Variants in RBFOX1 observed in about 807,000 individuals in gnomAD.
RBFOX1 encodes RNA binding fox-1 homolog 1, also known as RNA binding protein fox-1 homolog 1.
A neutral mutation model predicts 57.7 loss-of-function variants in RBFOX1; 8 were observed. The ratio of observed to expected loss-of-function variants is 0.14; its 90% CI spans 0.08 to 0.25. The LOEUF (loss-of-function observed/expected upper bound fraction) is 0.25. RBFOX1 is among the 10% of genes least tolerant of loss of function. The probability of loss-of-function intolerance (pLI) is 1.00; values close to 1 mark genes in which losing one functional copy is unlikely to be tolerated. For missense variants in RBFOX1, 611 were observed against 548.5 expected (o/e 1.11, Z -1.14); for synonymous variants, 326 against 222.4 (o/e 1.47, Z -4.15).
Position 5,276,253 on chromosome 16 carries a change from G to C in RBFOX1, c.219+36148G>C, listed in dbSNP as rs2063137751. Among the ~76,000 whole-genome samples the C allele has an allele frequency of 2.0e-5, 3 of 152,160 alleles. 1 individual carries two copies. In the South Asian group the frequency reaches 6.2e-4, roughly 32 times the overall value. On this transcript the variant is annotated intron_variant, in intron 1 of 2. Coordinates refer to the RBFOX1 transcript ENST00000585867. ...AACAGCAGAGTAAACAGATCACCCA[G>C]AGAGTGGGAGAAAATTTTCACAAAC...
rs149857833 is a variant in RBFOX1 at position 7,016,526 on chromosome 16, T to G, written c.-15-35531T>G. 4.0e-3 allele frequency among the ~76,000 whole-genome samples: 615 copies of G among 152,302 alleles called. 4 individuals are homozygous for G. Among genetic ancestry groups the G allele is most frequent in the South Asian group, 0.017 (81 of 4,824 alleles). ...ACAGCCACAGTGTATTCAGCACACC[T>G]ATGTGCCAAGCATTGCACACAGCGT... On this transcript the variant is annotated intron_variant, in intron 3 of 15. Coordinates refer to ENST00000550418, the MANE Select transcript of RBFOX1 (RefSeq NM_018723.4).
intron 5 of RBFOX1, among the ~76,000 whole-genome samples, chr16:7,556,230 G>A (rs998539533): frequency 1.7e-4 from 26 of 152,046 alleles, no homozygotes; most frequent in African/African-American, 2.7e-4. Context: ...GCAGCTCTTC[G>A]GTCAAATCTG....
intron 3 of RBFOX1, among the ~76,000 whole-genome samples, chr16:6,675,897 C>G (rs1192926992): frequency 6.6e-6 from 1 of 150,956 alleles, no homozygotes; most frequent in African/African-American, 2.4e-5. Flanking sequence ...CCCAGTGAAA[C>G]CATATCACAT....
intron 1 of RBFOX1, among the ~76,000 whole-genome samples, chr16:6,214,739 G>A (rs1400922903): frequency 8.0e-6 from 1 of 124,782 alleles, no homozygotes; most frequent in Non-Finnish European, 1.7e-5. Flanking sequence ...GAGAAGGAGA[G>A]GGAGAAGGAG....
chr16:7,388,506 G>A lies in RBFOX1; in HGVS notation c.28-129641G>A, dbSNP rs146449361. ...ATCATCTCTCTGCCCGGGATAACTT[G>A]TTTCATCCCCTTCCCTGAGCTTAAG... On this transcript the variant is annotated intron_variant, in intron 4 of 15. Coordinates refer to ENST00000550418, the MANE Select transcript of RBFOX1 (RefSeq NM_018723.4). Among the ~76,000 whole-genome samples the A allele has an allele frequency of 1.0e-3, 158 of 152,124 alleles. 4 individuals carry two copies. Among genetic ancestry groups the A allele is most frequent in the Admixed American group, 9.3e-3 (142 of 15,270 alleles).
chr16:6,096,939 C>T (rs1036177637), intron 1 of RBFOX1, among the ~76,000 whole-genome samples: 1 of 152,166 alleles, frequency 6.6e-6, no homozygotes, highest in Admixed American at 6.6e-5. Context: ...GCTCACCCCT[C>T]TGCACTCCTG....
chr16:5,520,754 G>C (rs2043980688), intron 2 of RBFOX1, among the ~76,000 whole-genome samples: 1 of 152,182 alleles, frequency 6.6e-6, no homozygotes, highest in African/African-American at 2.4e-5. Context: ...TCAGACTTAG[G>C]CTGTGTAATT....
chr16:7,474,866 A>G (rs1046906788), intron 4 of RBFOX1, among the ~76,000 whole-genome samples: 2 of 152,210 alleles, frequency 1.3e-5, no homozygotes, highest in Non-Finnish European at 2.9e-5. Flanking sequence ...TGTGAATGCC[A>G]TTTAGTTACC....
At chr16:7,667,340 T>C (rs763046515) in intron 13 of RBFOX1, among the ~76,000 whole-genome samples, 1 of 152,162 alleles carries the variant, frequency 6.6e-6, no homozygotes, top group Non-Finnish European at 1.5e-5. Context: ...GTTTAAGAAA[T>C]ATAAATATGT....
At chr16:5,593,196 A>G (rs112449405) in intron 2 of RBFOX1, among the ~76,000 whole-genome samples, 20,800 of 152,250 alleles carry the variant, frequency 0.14, 1,865 homozygotes, top group Middle Eastern at 0.22. Context: ...TTGCAGGGAC[A>G]TAGATGAAGC....
At chr16:6,895,847 C>T (rs2066769744) in intron 3 of RBFOX1, among the ~76,000 whole-genome samples, 1 of 151,936 alleles carries the variant, frequency 6.6e-6, no homozygotes. Flanking sequence ...TCAGTGTTAC[C>T]ATGTGTAAAA....
intron 3 of RBFOX1, among the ~76,000 whole-genome samples, chr16:5,721,368 C>G (rs901465425): frequency 2.6e-5 from 4 of 151,916 alleles, no homozygotes; most frequent in Admixed American, 1.3e-4. Flanking sequence ...TATGTGGGTG[C>G]GGATTAGTTG....
At chr16:5,964,299 A>G (rs1175113727) in intron 4 of RBFOX1, among the ~76,000 whole-genome samples, 1 of 152,162 alleles carries the variant, frequency 6.6e-6, no homozygotes, top group East Asian at 1.9e-4. Context: ...TGTTGGTGGG[A>G]ATGTAAATTG....
chr16:6,794,218 C>G (rs1005086791), intron 3 of RBFOX1, among the ~76,000 whole-genome samples: 4 of 149,962 alleles, frequency 2.7e-5, no homozygotes, highest in East Asian at 2.0e-4. Context: ...AGGCTTGTGA[C>G]TTTTAGGTCC....
chr16:7,029,046 C>CCATATATATA (rs1491230817), intron 3 of RBFOX1, among the ~76,000 whole-genome samples: 1 of 45,216 alleles, frequency 2.2e-5, no homozygotes, highest in South Asian at 6.3e-4. Context: ...AAAAAAAAAG[C>CCATATATATA]TATATATATA....
intron 1 of RBFOX1, among the ~76,000 whole-genome samples, chr16:5,312,946 GAGC>G (rs2064132245): frequency 6.6e-6 from 1 of 152,212 alleles, no homozygotes; most frequent in Non-Finnish European, 1.5e-5. Flanking sequence ...GCTTCAGCAT[GAGC>G]AGCAGTAGGC....
intron 6 of RBFOX1, 29 bp downstream of exon 6, chr16:7,579,949 C>A (rs774411737): frequency 1.4e-5 from 22 of 1,610,694 alleles, no homozygotes; most frequent in Non-Finnish European, 1.7e-5. Context: ...CCCAGCAGTG[C>A]CCGCTCTGGG....
At chr16:5,545,111 G>T (rs897485181) in intron 2 of RBFOX1, among the ~76,000 whole-genome samples, 1 of 151,662 alleles carries the variant, frequency 6.6e-6, no homozygotes, top group African/African-American at 2.4e-5. Flanking sequence ...CGAGTAGCTG[G>T]GATTACAGGC....
At chr16:7,554,696 CTT>C (rs993386222) in intron 5 of RBFOX1, among the ~76,000 whole-genome samples, 2 of 151,802 alleles carry the variant, frequency 1.3e-5, no homozygotes, top group African/African-American at 4.8e-5. Flanking sequence ...ACACCTATAA[CTT>C]AACTATTCCC....
Sources: allele counts gnomAD v4.1 joint callset (sites outside exome capture counted in the v4.1 genomes callset), GRCh38; gene constraint gnomAD v4.1.1; transcripts MANE v1.5; gene names NCBI Gene and HGNC (gene_info 2026-07-23, HGNC 2026-07-21).